LRRC37A3: variants seen among roughly 807,000 people sequenced by gnomAD.
LRRC37A3 encodes the protein leucine-rich repeat-containing protein 37A3.
In LRRC37A3, 25 loss-of-function variants were observed where a neutral mutation model predicts 106.2. The ratio of observed to expected loss-of-function variants is 0.24; its 90% CI spans 0.17 to 0.33. The LOEUF is 0.33. Ranked by LOEUF, LRRC37A3 falls within the 10% of genes least tolerant of loss-of-function variation. The pLI, the probability that LRRC37A3 is intolerant of heterozygous loss-of-function variation, is 1.00. For synonymous variants in LRRC37A3, 305 were observed against 635.8 expected, an observed-to-expected ratio of 0.48 and a Z score of 7.83; for missense variants, 712 against 1,644.9, an observed-to-expected ratio of 0.43 and a Z score of 9.81.
chr17:64,855,919 A>T (rs1283304410), intron 13 of LRRC37A3, 30 bp from the exon 14 acceptor site: 2 of 1,611,618 alleles, frequency 1.2e-6, no homozygotes, highest in Non-Finnish European at 8.5e-7. Context: ...AATTAAGATT[A>T]TCTATGACAA....
At chr17:64,888,229 C>T (rs1433024799) in intron 6 of LRRC37A3, among the ~76,000 whole-genome samples, 1 of 138,000 alleles carries the variant, frequency 7.2e-6, no homozygotes, top group East Asian at 2.1e-4. Flanking sequence ...GTATTTTCCC[C>T]AAGATGTCTG....
chr17:64,854,628 T>C lies in LRRC37A3; in HGVS notation c.4876A>G (p.Thr1626Ala), dbSNP rs562190152. The C allele has an allele frequency of 8.7e-6, 14 of 1,613,828 alleles. No individual in the cohort carries two copies. The highest frequency in any genetic ancestry group is 2.2e-5 in the East Asian group (1 of 44,884). ...EGFSRDSEAP[T>A]EEESEALP ...GGCAGGGCTTCACTCTCCTCCTCCG[T>C]TGGGGCTTCGCTGTCCCTGGGATAA... The change falls in exon 15 of 15, where the codon ACG (threonine) becomes GCG (alanine). Residue 1626 changes from threonine to alanine, a missense_variant. Transcript: ENST00000584306.
chr17:64,867,571 T>C (rs1304172051), intron 10 of LRRC37A3, among the ~76,000 whole-genome samples: 3 of 151,392 alleles, frequency 2.0e-5, no homozygotes, highest in African/African-American at 7.3e-5. Flanking sequence ...AAGTACCTAA[T>C]ACAGTGTAAA....
chr17:64,857,559 C>G (rs887650447), intron 13 of LRRC37A3, among the ~76,000 whole-genome samples: 224 of 148,376 alleles, frequency 1.5e-3, no homozygotes, highest in African/African-American at 5.8e-3. Flanking sequence ...GGTACGACCA[C>G]AGCTCACTGC....
intron 2 of LRRC37A3, among the ~76,000 whole-genome samples, chr17:64,909,396 T>A (rs1455733643): frequency 6.6e-6 from 1 of 152,234 alleles, no homozygotes; most frequent in Non-Finnish European, 1.5e-5. Flanking sequence ...TCTCACAATC[T>A]TCAGGTGATT....
intron 8 of LRRC37A3, among the ~76,000 whole-genome samples, chr17:64,871,961 G>A (rs879713156): frequency 1.2e-4 from 18 of 151,646 alleles, no homozygotes; most frequent in Non-Finnish European, 2.4e-4. Context: ...GCGAAACCCC[G>A]TCTGTACTAA....
At chr17:64,912,597 C>G (rs2143628555) in intron 2 of LRRC37A3, among the ~76,000 whole-genome samples, 1 of 151,468 alleles carries the variant, frequency 6.6e-6, no homozygotes, top group Non-Finnish European at 1.5e-5. Flanking sequence ...AGAAACCCCC[C>G]AAAAAAAGAA....
chr17:64,903,740 G>C (rs1974380144), intron 2 of LRRC37A3, among the ~76,000 whole-genome samples: 1 of 152,228 alleles, frequency 6.6e-6, no homozygotes, highest in African/African-American at 2.4e-5. Context: ...CTAAGCCTGA[G>C]GGCCATGAGT....
At chr17:64,863,270 A>G (rs1441403729) in intron 10 of LRRC37A3, 4 of 509,420 alleles carry the variant, frequency 7.9e-6, no homozygotes, top group African/African-American at 1.9e-5. Context: ...AGTGATTAGT[A>G]GTTTCAGAAG....
chr17:64,915,953 C>A (rs1387835890), intron 2 of LRRC37A3, among the ~76,000 whole-genome samples: 1 of 152,040 alleles, frequency 6.6e-6, no homozygotes, highest in East Asian at 1.9e-4. Context: ...CAAAAATTAG[C>A]CACACATGGT....
chr17:64,874,248 A>C (rs1188802559), intron 8 of LRRC37A3, among the ~76,000 whole-genome samples: 1 of 152,218 alleles, frequency 6.6e-6, no homozygotes, highest in African/African-American at 2.4e-5. Context: ...AAATTTAAAA[A>C]TAACTGGGCA....
chr17:64,872,173 A>C (rs1973344322), intron 8 of LRRC37A3, among the ~76,000 whole-genome samples: 1 of 145,166 alleles, frequency 6.9e-6, no homozygotes, highest in Non-Finnish European at 1.5e-5. Flanking sequence ...CCAAAAATTC[A>C]TCCCTTCATA....
Position 64,866,605 on chromosome 17 carries a change from TATATATATATATATATATATA to T in LRRC37A3, c.3053+1836_3053+1856del, listed in dbSNP as rs1973091965. Among the ~76,000 whole-genome samples, 5 of 18,240 alleles carry T rather than the reference TATATATATATATATATATATA, an allele frequency of 2.7e-4. No homozygotes were observed. In the South Asian group the frequency reaches 6.0e-3, roughly 22 times the overall value. The allele number at this position is 18,240 out of a possible 152,430, so 12.0% of individuals were successfully genotyped here. On this transcript the variant is annotated intron_variant, in intron 10 of 14. Coordinates refer to ENST00000584306, the MANE Select transcript of LRRC37A3 (RefSeq NM_199340.5). ...ATACACGTACATATATATATATATA[TATATATATATATATATATATA>T]TATTTTTTTTTTTTTTTTTTTTTAG...
intron 2 of LRRC37A3, among the ~76,000 whole-genome samples, chr17:64,903,923 G>A (rs1362187103): frequency 4.6e-5 from 7 of 151,422 alleles, no homozygotes; most frequent in Non-Finnish European, 2.9e-5. Context: ...GATGGATCAC[G>A]AGGTCAGGAG....
At chr17:64,911,039 A>T (rs957620541) in intron 2 of LRRC37A3, among the ~76,000 whole-genome samples, 3 of 152,098 alleles carry the variant, frequency 2.0e-5, no homozygotes, top group Admixed American at 6.6e-5. Context: ...AGCTACCATT[A>T]TTACCTCTAC....
Position 64,855,907 on chromosome 17 carries a change from G to A in LRRC37A3, c.4810-18C>T, listed in dbSNP as rs368529881. The A allele has an allele frequency of 2.0e-5, 33 of 1,611,444 alleles. No homozygotes were observed. Among genetic ancestry groups the A allele is most frequent in the African/African-American group, 1.9e-4 (14 of 74,832 alleles). On this transcript the variant is annotated intron_variant, in intron 13 of 14. Coordinates refer to ENST00000584306, the MANE Select transcript of LRRC37A3 (RefSeq NM_199340.5). The stretch of plus-strand genomic sequence containing the variant: ...CAACAGATCTGTTTTAGAAGAAAAC[G>A]CAATTAAGATTATCTATGACAACAA...
At chr17:64,858,587 A>G (rs1374343185) in intron 13 of LRRC37A3, among the ~76,000 whole-genome samples, 192 bp downstream of exon 13, 1 of 152,230 alleles carries the variant, frequency 6.6e-6, no homozygotes, top group Admixed American at 6.5e-5. Flanking sequence ...GAGATCTGGA[A>G]GCGAGGATCC....
At chr17:64,865,599 C>T (rs1973040318) in intron 10 of LRRC37A3, among the ~76,000 whole-genome samples, 2 of 152,122 alleles carry the variant, frequency 1.3e-5, no homozygotes, top group Admixed American at 6.5e-5. Flanking sequence ...ATTTGCTTTC[C>T]GTGTGTGTAT....
At chr17:64,858,096 G>A (rs1446055588) in intron 13 of LRRC37A3, among the ~76,000 whole-genome samples, 1 of 152,146 alleles carries the variant, frequency 6.6e-6, no homozygotes, top group South Asian at 2.1e-4. Flanking sequence ...GTAAGTTGAT[G>A]CAAGCTGAGC....
Sources: allele counts gnomAD v4.1 joint callset (sites outside exome capture counted in the v4.1 genomes callset), GRCh38; gene constraint gnomAD v4.1.1; transcripts MANE v1.5; gene names NCBI Gene and HGNC (gene_info 2026-07-23, HGNC 2026-07-21).